The following CLSTN1 variants were observed in gnomAD, a reference collection of about 807,000 sequenced individuals.
The protein encoded by CLSTN1 is calsyntenin-1.
In CLSTN1, 28 loss-of-function variants were observed where a neutral mutation model predicts 108.3. That is an observed-to-expected ratio of 0.26 (90% confidence interval 0.19 to 0.35). The LOEUF is 0.35. CLSTN1 is among the 10% of genes least tolerant of loss of function. The pLI is 1.00. For synonymous variants in CLSTN1, 524 were observed against 534.9 expected (o/e 0.98, Z 0.28); for missense variants, 1,157 against 1,302.6 (o/e 0.89, Z 1.72).
chr1:9,743,992 G>A lies in CLSTN1; in HGVS notation c.1248C>T (p.His416=). 1.9e-6 allele frequency: 3 copies of A among 1,614,118 alleles called. No individual in the cohort carries two copies. The highest frequency in any genetic ancestry group is 1.6e-4 in the Middle Eastern group (1 of 6,062). Residue 416 remains histidine, a synonymous_variant, in exon 9 of 19, where the codon CAC becomes CAT. Transcript: ENST00000377298. ...CSSDKTDMNR[H]HYSLYVHGCR... is the part of the protein sequence containing the mutation. ...ACCCGTGGACATAGAGGGAGTAGTG[G>A]TGCCGATTCATATCTGCAAAGGCAG... is the stretch of plus-strand genomic sequence containing the variant.
chr1:9,788,500 G>A (rs1055625269), intron 1 of CLSTN1, among the ~76,000 whole-genome samples: 4 of 150,934 alleles, frequency 2.7e-5, no homozygotes, highest in African/African-American at 4.8e-5. Flanking sequence ...CCCAGGAGGC[G>A]GAGGTTGCAG....
chr1:9,819,847 C>T (rs977366917), intron 1 of CLSTN1, among the ~76,000 whole-genome samples: 12 of 152,138 alleles, frequency 7.9e-5, no homozygotes, highest in African/African-American at 2.9e-4. Context: ...CTTTTTTCCA[C>T]ATCGTTACTT....
chr1:9,796,176 T>C lies in CLSTN1; in HGVS notation c.92-22782A>G, dbSNP rs182602694. Among the ~76,000 whole-genome samples, 7 of 146,636 alleles carry C rather than the reference T, an allele frequency of 4.8e-5. 1 individual carries two copies. Among genetic ancestry groups the C allele is most frequent in the Admixed American group, 4.3e-4 (6 of 14,110 alleles). ...ACTCGGGGGGCTGAAGCAGGAGAAC[T>C]GCTTGAACCTAGGAGGCAGAGGTTG... On this transcript the variant is annotated intron_variant, in intron 1 of 18. Coordinates refer to ENST00000377298, the MANE Select transcript of CLSTN1 (RefSeq NM_001009566.3).
intron 1 of CLSTN1, among the ~76,000 whole-genome samples, chr1:9,788,195 G>T (rs1026910770): frequency 1.3e-5 from 2 of 151,516 alleles, no homozygotes; most frequent in African/African-American, 4.8e-5. Flanking sequence ...GGTCGAGGCT[G>T]CAGTACGCCA....
intron 1 of CLSTN1, among the ~76,000 whole-genome samples, chr1:9,792,643 C>T (rs1045203778): frequency 1.3e-5 from 2 of 151,444 alleles, no homozygotes; most frequent in African/African-American, 4.8e-5. Context: ...GCTACGGTAT[C>T]CCTGGAAACA....
chr1:9,737,653 C>G (rs1347565707), intron 10 of CLSTN1, 99 bp from the exon 11 acceptor site: 1 of 1,040,664 alleles, frequency 9.6e-7, no homozygotes, highest in Non-Finnish European at 1.5e-6. Context: ...AACTATAAAA[C>G]ATGAAGAGAA....
intron 1 of CLSTN1, among the ~76,000 whole-genome samples, chr1:9,795,869 T>C (rs371928884): frequency 2.0e-4 from 30 of 150,454 alleles, no homozygotes; most frequent in African/African-American, 6.3e-4. Flanking sequence ...GCAGGAGAAC[T>C]GCTTGAGCCC....
chr1:9,733,852 T>C (rs1460426361), intron 15 of CLSTN1, 120 bp downstream of exon 15: 15 of 1,094,136 alleles, frequency 1.4e-5, no homozygotes, highest in Non-Finnish European at 2.0e-5. Flanking sequence ...AACGTGCTCC[T>C]TCCCCATCTC....
chr1:9,824,374 C>T (rs1025529506), upstream of CLSTN1: 6 of 152,060 alleles, frequency 3.9e-5, no homozygotes, highest in African/African-American at 1.4e-4. The surrounding 1 kb of genome is among the most constrained non-coding windows in gnomAD (Gnocchi z 5.0). Context: ...TCATCCTTCC[C>T]ACCCGCTCCG....
At chr1:9,797,901 C>A (rs1003835610) in intron 1 of CLSTN1, among the ~76,000 whole-genome samples, 1 of 151,764 alleles carries the variant, frequency 6.6e-6, no homozygotes, top group Non-Finnish European at 1.5e-5. Flanking sequence ...CGAGGCCAGC[C>A]TGGCCAACAT....
chr1:9,779,635 C>A (rs1465773119), intron 1 of CLSTN1, among the ~76,000 whole-genome samples: 1 of 152,110 alleles, frequency 6.6e-6, no homozygotes, highest in Non-Finnish European at 1.5e-5. Flanking sequence ...CTATGTTGCC[C>A]ACGCTGGTGT....
chr1:9,741,337 A>G, intron 9 of CLSTN1, 81 bp from the exon 10 acceptor site: 1 of 1,341,324 alleles, frequency 7.5e-7, no homozygotes, highest in East Asian at 2.3e-5. Flanking sequence ...AAGTCACCCA[A>G]CACAAGGGTC....
intron 3 of CLSTN1, 97 bp from the exon 4 acceptor site, chr1:9,755,406 G>C: frequency 9.2e-7 from 1 of 1,085,822 alleles, no homozygotes; most frequent in Non-Finnish European, 1.3e-6. Flanking sequence ...GAAAATAAAT[G>C]ACAACAATTT....
chr1:9,806,292 ACT>A (rs1241548012), intron 1 of CLSTN1, among the ~76,000 whole-genome samples: 1 of 151,968 alleles, frequency 6.6e-6, no homozygotes, highest in African/African-American at 2.4e-5. Context: ...TAAGAGCAAA[ACT>A]CTGTCTCGAA....
intron 1 of CLSTN1, among the ~76,000 whole-genome samples, chr1:9,818,003 C>CTTT (rs35244076): frequency 2.2e-5 from 2 of 89,106 alleles, no homozygotes; most frequent in South Asian, 4.1e-4. Context: ...GTTAGTTTGG[C>CTTT]TTTTTTTTTT....
chr1:9,735,862 T>C, intron 12 of CLSTN1, 23 bp downstream of exon 12: 1 of 1,613,446 alleles, frequency 6.2e-7, no homozygotes, highest in South Asian at 1.1e-5. Flanking sequence ...ATGAGTGGTG[T>C]GCAGTCGAGC....
At chr1:9,805,573 A>G (rs1417547914) in intron 1 of CLSTN1, among the ~76,000 whole-genome samples, 3 of 152,172 alleles carry the variant, frequency 2.0e-5, no homozygotes, top group African/African-American at 7.2e-5. Flanking sequence ...TTCACTAAAA[A>G]TGTGTTATTT....
At chr1:9,750,265 TCAAA>T (rs1651489910) in intron 5 of CLSTN1, 1 of 193,192 alleles carries the variant, frequency 5.2e-6, no homozygotes, top group Non-Finnish European at 1.1e-5. Context: ...AGATCGCTGA[TCAAA>T]CATTTACTAT....
Position 9,781,119 on chromosome 1 carries a change from A to T in CLSTN1, c.92-7725T>A. 5 of 727,564 alleles carry T rather than the reference A, an allele frequency of 6.9e-6. No homozygotes were observed. The South Asian group carries it at 7.5e-5, about 11-fold the overall frequency. The allele number at this position is 727,564 out of a possible 1,614,324, so 45.1% of individuals were successfully genotyped here. ...ATTTAGAATGCTGGCTTAGATATGG[A>T]AACTCCTATTTGTGTACGGCTTTGT... On this transcript the variant is annotated intron_variant, in intron 1 of 18. Coordinates refer to ENST00000377298, the MANE Select transcript of CLSTN1 (RefSeq NM_001009566.3).
Sources: gnomAD v4.1 joint callset for allele counts (sites outside exome capture counted in the v4.1 genomes callset) on GRCh38, gnomAD v4.1.1 for gene constraint, Gnocchi (gnomAD v3.1) non-coding constraint, MANE v1.5 for transcripts, NCBI Gene and HGNC (gene_info 2026-07-23, HGNC 2026-07-21) for gene names.